Variants in BCAS3 observed in about 807,000 individuals in gnomAD.
BCAS3 encodes the protein BCAS4/BCAS3 fusion.
BCAS3 carries 53 observed loss-of-function variants against 116.1 expected under a neutral mutation model. That is an observed-to-expected ratio of 0.46 (90% CI 0.37 to 0.57). BCAS3 has a LOEUF of 0.57. BCAS3 is among the 20% of genes least tolerant of loss of function. BCAS3 has a pLI of 0.00. For missense variants in BCAS3, 917 were observed against 1,165.4 expected (o/e 0.79, Z 3.10); for synonymous variants, 391 against 408.2 (o/e 0.96, Z 0.51).
chr17:60,997,208 A>C (rs7216821), intron 15 of BCAS3, among the ~76,000 whole-genome samples: 23,414 of 152,140 alleles, frequency 0.15, 5,718 homozygotes, highest in African/African-American at 0.52. Flanking sequence ...TGCCAGCTTG[A>C]CAGCCACTTA....
At chr17:60,855,707 C>T (rs1253566211) in intron 7 of BCAS3, among the ~76,000 whole-genome samples, 1 of 151,880 alleles carries the variant, frequency 6.6e-6, no homozygotes, top group African/African-American at 2.4e-5. Flanking sequence ...TCCTTTGAGA[C>T]AGGGTCTCAC....
chr17:61,212,211 T>C (rs1217505158), intron 22 of BCAS3, among the ~76,000 whole-genome samples: 1 of 152,212 alleles, frequency 6.6e-6, no homozygotes, highest in Non-Finnish European at 1.5e-5. Flanking sequence ...GATATCCTAT[T>C]TTGAAGCTCA....
intron 23 of BCAS3, among the ~76,000 whole-genome samples, chr17:61,371,835 A>G: frequency 6.6e-6 from 1 of 152,244 alleles, no homozygotes; most frequent in South Asian, 2.1e-4. Context: ...TCTGCATTTC[A>G]GCAGGATCCC....
chr17:60,803,897 G>A (rs1342031497), intron 6 of BCAS3, among the ~76,000 whole-genome samples: 7 of 148,528 alleles, frequency 4.7e-5, no homozygotes, highest in Non-Finnish European at 3.0e-5. Flanking sequence ...TGCTTCCCGG[G>A]TTTGAGCGAT....
At chr17:61,370,271 CT>C (rs67112430) in intron 23 of BCAS3, among the ~76,000 whole-genome samples, 10,237 of 146,594 alleles carry the variant, frequency 0.07, 1,078 homozygotes, top group African/African-American at 0.23. Context: ...AGGAGACTCC[CT>C]TTTTTTTTTT....
At position 61,279,092 on chromosome 17, in the gene BCAS3, A is replaced by C. The variant is rs1289637155; in HGVS notation, c.2426-89235A>C. Among the ~76,000 whole-genome samples, 1 of 151,782 alleles carries C rather than the reference A, an allele frequency of 6.6e-6. No individual in the cohort carries two copies. The highest frequency in any genetic ancestry group is 1.5e-5 in the Non-Finnish European group (1 of 67,952). ...CTCTTGAGTAGCTGGGATTACAGGC[A>C]TGTGCCACCATGCCTGGCTAATTTT... On this transcript the variant is annotated intron_variant, in intron 22 of 23. Coordinates refer to ENST00000407086, the MANE Select transcript of BCAS3 (RefSeq NM_017679.5). This position sits in a 1 kb window ranked among gnomAD's most constrained non-coding sequence, Gnocchi z 4.4.
At chr17:61,177,510 A>G (rs2090005719) in intron 22 of BCAS3, among the ~76,000 whole-genome samples, 1 of 152,218 alleles carries the variant, frequency 6.6e-6, no homozygotes. Context: ...AATCTGTGGT[A>G]ACTGAAAGCA....
rs61645091 is a variant in BCAS3, at chr17:60,757,394, A to ATGTGTGTGTGTG, written c.403+10147_403+10158dup. On this transcript the variant is annotated intron_variant, in intron 6 of 23. Coordinates refer to ENST00000407086, the MANE Select transcript of BCAS3 (RefSeq NM_017679.5). ...TCTCTGCATCCTTGCCAGCATGTAT[A>ATGTGTGTGTGTG]TGTGTGTGTGTGTGTGTGTGTGTGT... Among the ~76,000 whole-genome samples the ATGTGTGTGTGTG allele has an allele frequency of 1.2e-3, 163 of 136,674 alleles. 1 individual carries two copies. Among genetic ancestry groups the ATGTGTGTGTGTG allele is most frequent in the East Asian group, 5.4e-3 (25 of 4,668 alleles). 89.7% of individuals were successfully genotyped at this position (136,674 alleles called of 152,430 possible).
chr17:61,363,614 G>A lies in BCAS3; in HGVS notation c.2426-4713G>A, dbSNP rs568100253. Among the ~76,000 whole-genome samples the A allele has an allele frequency of 6.6e-6, 1 of 151,230 alleles. No homozygotes were observed. Among genetic ancestry groups the A allele is most frequent in the African/African-American group, 2.4e-5 (1 of 41,124 alleles). On this transcript the variant is annotated intron_variant, in intron 22 of 23. Transcript: ENST00000407086. This position sits in a 1 kb window ranked among gnomAD's most constrained non-coding sequence, Gnocchi z 4.9. ...TACAGTGCTCGACTCATATCATAGT[G>A]GACACTAACTAATATTTGATATATG...
chr17:60,785,919 A>G lies in BCAS3; in HGVS notation c.404-22085A>G, dbSNP rs77743484. On this transcript the variant is annotated intron_variant, in intron 6 of 23. Coordinates refer to ENST00000407086, the MANE Select transcript of BCAS3 (RefSeq NM_017679.5). Reference sequence around the variant, plus strand: ...ATTATTGCCTATACAATACAGTGTAATAACCATTTACATAGCATTCACCTT... The same window carrying G: ...ATTATTGCCTATACAATACAGTGTAGTAACCATTTACATAGCATTCACCTT... 2.0e-5 allele frequency among the ~76,000 whole-genome samples: 3 copies of G among 152,338 alleles called. No homozygotes were observed. In the East Asian group the frequency reaches 5.8e-4, roughly 29 times the overall value.
intron 13 of BCAS3, among the ~76,000 whole-genome samples, chr17:60,927,676 C>G (rs1457132056): frequency 6.6e-6 from 1 of 152,152 alleles, no homozygotes; most frequent in Non-Finnish European, 1.5e-5. Context: ...ATAATTGTTT[C>G]ATATAGCAAT....
At chr17:61,149,845 T>G (rs1242683931) in intron 22 of BCAS3, among the ~76,000 whole-genome samples, 1 of 152,218 alleles carries the variant, frequency 6.6e-6, no homozygotes, top group Non-Finnish European at 1.5e-5. Context: ...TGAAAGTGTT[T>G]CAGGAAAAAT....
intron 22 of BCAS3, among the ~76,000 whole-genome samples, chr17:61,194,706 C>T (rs2080369482): frequency 6.8e-6 from 1 of 146,228 alleles, no homozygotes; most frequent in Admixed American, 7.0e-5. Flanking sequence ...TGCCATTGCA[C>T]TCCTGCCTGG....
intron 10 of BCAS3, among the ~76,000 whole-genome samples, chr17:60,892,609 G>A (rs1254849749): frequency 4.7e-5 from 7 of 148,438 alleles, no homozygotes; most frequent in East Asian, 2.3e-4. Context: ...GCGTCCGGCC[G>A]TTTTTGGCTT....
intron 7 of BCAS3, among the ~76,000 whole-genome samples, chr17:60,829,006 C>T (rs2050677323): frequency 6.6e-6 from 1 of 151,982 alleles, no homozygotes; most frequent in Non-Finnish European, 1.5e-5. Context: ...TGCAGATCAG[C>T]CCTTAACAGC....
Position 61,097,054 on chromosome 17 carries a change from T to A in BCAS3, c.2425+12490T>A, listed in dbSNP as rs2074021810. ...TAAGTCAAAGTTTTAAGAAACTCAG[T>A]GTATGCTGAGTGAGATATTAATAAA... On this transcript the variant is annotated intron_variant, in intron 22 of 23. Coordinates refer to ENST00000407086, the MANE Select transcript of BCAS3 (RefSeq NM_017679.5). This position sits in a 1 kb window ranked among gnomAD's most constrained non-coding sequence, Gnocchi z 4.0. Among the ~76,000 whole-genome samples, 1 of 152,194 alleles carries A rather than the reference T, an allele frequency of 6.6e-6. No individual in the cohort carries two copies. Among genetic ancestry groups the A allele is most frequent in the Non-Finnish European group, 1.5e-5 (1 of 68,028 alleles).
At position 61,034,131 on chromosome 17, in the gene BCAS3, A is replaced by G. The variant is rs2066847136; in HGVS notation, c.1638-535A>G. Among the ~76,000 whole-genome samples, 1 of 152,208 alleles carries G rather than the reference A, an allele frequency of 6.6e-6. No homozygotes were observed. Among genetic ancestry groups the G allele is most frequent in the Non-Finnish European group, 1.5e-5 (1 of 68,034 alleles). On this transcript the variant is annotated intron_variant, in intron 16 of 23. Coordinates refer to ENST00000407086, the MANE Select transcript of BCAS3 (RefSeq NM_017679.5). This position sits in a 1 kb window ranked among gnomAD's most constrained non-coding sequence, Gnocchi z 5.0. Reference sequence around the variant, plus strand: ...TCCCTTGCACTGTCTAACTCTCCATAGCATTGTGGCCGAGAGAGCATTTTC... The same window carrying G: ...TCCCTTGCACTGTCTAACTCTCCATGGCATTGTGGCCGAGAGAGCATTTTC...
At chr17:60,827,047 G>T (rs1420756959) in intron 7 of BCAS3, among the ~76,000 whole-genome samples, 1 of 152,148 alleles carries the variant, frequency 6.6e-6, no homozygotes, top group African/African-American at 2.4e-5. Context: ...CTGAATCCAT[G>T]GATGAAAATA....
rs2076401890 is a variant in BCAS3 at position 61,132,649 on chromosome 17, C to T, written c.2425+48085C>T. 6.6e-6 allele frequency among the ~76,000 whole-genome samples: 1 copy of T among 152,182 alleles called. No individual in the cohort carries two copies. Among genetic ancestry groups the T allele is most frequent in the East Asian group, 1.9e-4 (1 of 5,198 alleles). Reference sequence around the variant, plus strand: ...ATAAAGTGCCTTGGAAGCCGTGAAACATTCTAGGGAGCAAGAGCACACCAC... The same window carrying T: ...ATAAAGTGCCTTGGAAGCCGTGAAATATTCTAGGGAGCAAGAGCACACCAC... On this transcript the variant is annotated intron_variant, in intron 22 of 23. Coordinates refer to ENST00000407086, the MANE Select transcript of BCAS3 (RefSeq NM_017679.5). This position sits in a 1 kb window ranked among gnomAD's most constrained non-coding sequence, Gnocchi z 5.1.
Sources: gnomAD v4.1 joint callset for allele counts (sites outside exome capture counted in the v4.1 genomes callset) on GRCh38, gnomAD v4.1.1 for gene constraint, Gnocchi (gnomAD v3.1) non-coding constraint, MANE v1.5 for transcripts, NCBI Gene and HGNC (gene_info 2026-07-23, HGNC 2026-07-21) for gene names.